TBX5: variants seen among roughly 807,000 people sequenced by gnomAD.
The protein encoded by TBX5 is T-box transcription factor 5, also known as T-box transcription factor TBX5.
A neutral mutation model predicts 51.1 loss-of-function variants in TBX5; 8 were observed. That is an observed-to-expected ratio of 0.16 (90% CI 0.09 to 0.28). The LOEUF is 0.28. Ranked by LOEUF, TBX5 falls within the 10% of genes least tolerant of loss-of-function variation. The probability of loss-of-function intolerance (pLI) is 1.00; values close to 1 mark genes in which losing one functional copy is unlikely to be tolerated. For synonymous variants in TBX5, 302 were observed against 266.4 expected (o/e 1.13, Z -1.30); for missense variants, 589 against 671.7 (o/e 0.88, Z 1.36).
At chr12:114,376,924 T>G in intron 7 of TBX5, among the ~76,000 whole-genome samples, 1 of 151,110 alleles carries the variant, frequency 6.6e-6, no homozygotes, top group Admixed American at 6.6e-5. Flanking sequence ...GGTACCTGAG[T>G]GGGAAAGTGG....
At chr12:114,392,880 G>T (rs558524961) in intron 6 of TBX5, among the ~76,000 whole-genome samples, 1 of 152,122 alleles carries the variant, frequency 6.6e-6, no homozygotes, top group Non-Finnish European at 1.5e-5. Context: ...TGGTTCAACA[G>T]GTGGAAGGAT....
At chr12:114,404,593 C>A (rs1174073106) in intron 1 of TBX5, among the ~76,000 whole-genome samples, 1 of 152,094 alleles carries the variant, frequency 6.6e-6, no homozygotes, top group Non-Finnish European at 1.5e-5. Context: ...ATTAAACATC[C>A]TTTTCTTTAT....
intron 7 of TBX5, among the ~76,000 whole-genome samples, chr12:114,378,396 T>C (rs1870315452): frequency 6.6e-6 from 1 of 152,194 alleles, no homozygotes; most frequent in Non-Finnish European, 1.5e-5. Flanking sequence ...GGCAGGCCCC[T>C]TCATCCAAAC....
rs575705232 is a variant in TBX5 at position 114,356,742 on chromosome 12, G to A, written c.983-636C>T. Among the ~76,000 whole-genome samples the A allele has an allele frequency of 7.9e-5, 12 of 152,226 alleles. No individual in the cohort carries two copies. In the South Asian group the frequency reaches 8.3e-4, roughly 11 times the overall value. ...CAAACATATACAGTGTGTACTCTGC[G>A]TAGCACGATTCTAAGCACTCTCCAG... On this transcript the variant is annotated intron_variant, in intron 8 of 8. Transcript: ENST00000405440.
chr12:114,391,433 C>A (rs1871136824), intron 6 of TBX5, among the ~76,000 whole-genome samples: 1 of 152,212 alleles, frequency 6.6e-6, no homozygotes, highest in Non-Finnish European at 1.5e-5. Flanking sequence ...ATAAACTGAT[C>A]TGCTAAGTAG....
intron 4 of TBX5, 46 bp downstream of exon 4, chr12:114,399,460 GAGAAGGT>G: frequency 6.2e-7 from 1 of 1,612,294 alleles, no homozygotes; most frequent in Admixed American, 1.7e-5. Context: ...AACTTTTTGG[GAGAAGGT>G]TCCACTTTTC....
chr12:114,398,115 A>C (rs1242762497), intron 5 of TBX5, among the ~76,000 whole-genome samples: 1 of 152,156 alleles, frequency 6.6e-6, no homozygotes, highest in Middle Eastern at 3.2e-3. Flanking sequence ...TCATTCCTCC[A>C]TCCCTAGGCA....
chr12:114,372,851 A>G (rs7137598), intron 7 of TBX5, among the ~76,000 whole-genome samples: 21,086 of 152,004 alleles, frequency 0.14, 1,652 homozygotes, highest in East Asian at 0.35. Context: ...AGACCACTCC[A>G]TTGCTGGCTA....
intron 3 of TBX5, 57 bp downstream of exon 3, chr12:114,401,769 C>G: frequency 6.4e-7 from 1 of 1,551,294 alleles, no homozygotes. Flanking sequence ...ACCTTTTCTT[C>G]TTCACCTCTC....
intron 7 of TBX5, among the ~76,000 whole-genome samples, chr12:114,374,580 T>C (rs1870092388): frequency 6.6e-6 from 1 of 152,192 alleles, no homozygotes; most frequent in Admixed American, 6.5e-5. Context: ...GGACATTGAT[T>C]GCCTCTGGTG....
At chr12:114,382,534 C>T (rs1417459593) in intron 7 of TBX5, among the ~76,000 whole-genome samples, 1 of 151,892 alleles carries the variant, frequency 6.6e-6, no homozygotes. Context: ...CGTGGTGGCT[C>T]ACGCCTGTAA....
At chr12:114,366,114 A>G in intron 8 of TBX5, 51 bp downstream of exon 8, 5 of 1,589,930 alleles carry the variant, frequency 3.1e-6, no homozygotes, top group Non-Finnish European at 4.3e-6. Context: ...CAACCCAAGG[A>G]AAGGAAAAGG....
chr12:114,385,661 G>T, intron 6 of TBX5, 94 bp from the exon 7 acceptor site: 1 of 1,045,850 alleles, frequency 9.6e-7, no homozygotes. Context: ...TCATGGAAAT[G>T]CAGCCTCTGG....
chr12:114,361,823 T>C (rs986653803), intron 8 of TBX5, among the ~76,000 whole-genome samples: 7 of 152,134 alleles, frequency 4.6e-5, no homozygotes, highest in African/African-American at 9.7e-5. Flanking sequence ...ATTTGTTGTC[T>C]CCTAGGCAGG....
At chr12:114,392,444 G>A (rs1871208531) in intron 6 of TBX5, among the ~76,000 whole-genome samples, 2 of 152,120 alleles carry the variant, frequency 1.3e-5, no homozygotes, top group East Asian at 3.9e-4. Flanking sequence ...ACAGAAAGAG[G>A]GAGAGAGGGA....
At chr12:114,394,947 C>G in intron 5 of TBX5, 54 bp from the exon 6 acceptor site, 1 of 1,575,940 alleles carries the variant, frequency 6.3e-7, no homozygotes, top group Non-Finnish European at 8.7e-7. Context: ...CCCTTTGTCT[C>G]CAGATAAAAC....
chr12:114,398,747 G>A (rs745973288), intron 4 of TBX5, 27 bp from the exon 5 acceptor site: 3 of 1,586,034 alleles, frequency 1.9e-6, no homozygotes, highest in African/African-American at 2.7e-5. Flanking sequence ...TGTACTAGAG[G>A]CCTGGCTCAG....
intron 7 of TBX5, among the ~76,000 whole-genome samples, chr12:114,371,071 C>T (rs1368335908): frequency 6.6e-6 from 1 of 152,198 alleles, no homozygotes; most frequent in Admixed American, 6.5e-5. Context: ...ATACCAACTA[C>T]TTGGCAAATC....
chr12:114,398,800 C>T, intron 4 of TBX5, 80 bp from the exon 5 acceptor site: 2 of 1,524,092 alleles, frequency 1.3e-6, no homozygotes, highest in Non-Finnish European at 8.9e-7. Flanking sequence ...CTTCAGTTCA[C>T]GCACCAGGTG....
Sources: allele counts gnomAD v4.1 joint callset (sites outside exome capture counted in the v4.1 genomes callset), GRCh38; gene constraint gnomAD v4.1.1; transcripts MANE v1.5; gene names NCBI Gene and HGNC (gene_info 2026-07-23, HGNC 2026-07-21).